The following ADAM23 variants were observed in gnomAD, a reference collection of about 807,000 sequenced individuals.
ADAM23 encodes disintegrin and metalloproteinase domain-containing protein 23.
In ADAM23, 33 loss-of-function variants were observed where a neutral mutation model predicts 120.1. The ratio of observed to expected loss-of-function variants is 0.27; its 90% CI spans 0.21 to 0.37. The LOEUF is 0.37. Ranked by LOEUF, ADAM23 falls within the 10% of genes least tolerant of loss-of-function variation. The pLI, the probability that ADAM23 is intolerant of heterozygous loss-of-function variation, is 1.00. For synonymous variants in ADAM23, 367 were observed against 375.2 expected (o/e 0.98, Z 0.25); for missense variants, 862 against 1,058.2 (o/e 0.81, Z 2.57).
chr2:206,471,322 T>C (rs1479283469), intron 2 of ADAM23, among the ~76,000 whole-genome samples: 1 of 152,226 alleles, frequency 6.6e-6, no homozygotes, highest in East Asian at 1.9e-4. Flanking sequence ...AATCCTTGTG[T>C]AGTCATCATA....
intron 2 of ADAM23, among the ~76,000 whole-genome samples, chr2:206,470,411 T>C (rs921999764): frequency 6.6e-6 from 1 of 152,188 alleles, no homozygotes. Flanking sequence ...GTGGTCAGTA[T>C]TCTAAATGTT....
At chr2:206,520,122 A>C (rs1696813779) in intron 3 of ADAM23, among the ~76,000 whole-genome samples, 1 of 152,208 alleles carries the variant, frequency 6.6e-6, no homozygotes, top group Non-Finnish European at 1.5e-5. Flanking sequence ...TGTATAGTAC[A>C]GAGAAATCAA....
At chr2:206,552,011 T>C (rs1278381473) in intron 9 of ADAM23, among the ~76,000 whole-genome samples, 1 of 152,182 alleles carries the variant, frequency 6.6e-6, no homozygotes, top group African/African-American at 2.4e-5. Flanking sequence ...TTAATTTGCT[T>C]GAAACCCCAA....
At chr2:206,449,605 T>TA (rs550043269) in intron 2 of ADAM23, among the ~76,000 whole-genome samples, 319 of 152,034 alleles carry the variant, frequency 2.1e-3, no homozygotes, top group African/African-American at 6.7e-3. Context: ...CCATCTCTAC[T>TA]AAAAAAATAC....
At chr2:206,594,059 T>C (rs1698474417) in intron 22 of ADAM23, among the ~76,000 whole-genome samples, 1 of 151,910 alleles carries the variant, frequency 6.6e-6, no homozygotes, top group African/African-American at 2.4e-5. Flanking sequence ...CAGTATAATA[T>C]GCTATACAGA....
intron 3 of ADAM23, among the ~76,000 whole-genome samples, chr2:206,525,113 C>T (rs966632708): frequency 2.0e-5 from 3 of 152,104 alleles, no homozygotes; most frequent in African/African-American, 7.2e-5. Flanking sequence ...TTTTCATTTC[C>T]ACAAATGCCC....
At position 206,562,195 on chromosome 2, in the gene ADAM23, A is replaced by G. The variant is rs775190783; in HGVS notation, c.1255-8A>G. 3 of 1,612,754 alleles carry G rather than the reference A, an allele frequency of 1.9e-6. No individual in the cohort carries two copies. Among genetic ancestry groups the G allele is most frequent in the East Asian group, 4.5e-5 (2 of 44,844 alleles). ...TGTCTCCCACACACTTTCAACTCTG[A>G]AAAACAGTATGGTCTTCCAATGGCA... On this transcript the variant is annotated splice_region_variant and splice_polypyrimidine_tract_variant and intron_variant, in intron 12 of 25. Transcript: ENST00000264377.
intron 22 of ADAM23, 67 bp from the exon 23 acceptor site, chr2:206,594,670 G>T (rs1163049297): frequency 6.4e-7 from 1 of 1,574,396 alleles, no homozygotes; most frequent in South Asian, 1.1e-5. Context: ...TGAAGAGCAA[G>T]CCTCATTCAT....
chr2:206,593,594 A>G (rs1271319670), intron 22 of ADAM23, among the ~76,000 whole-genome samples: 2 of 152,110 alleles, frequency 1.3e-5, no homozygotes, highest in African/African-American at 4.8e-5. Flanking sequence ...TCTGAAGACA[A>G]TTCTAACAGG....
chr2:206,500,711 T>G lies in ADAM23; in HGVS notation c.509+19403T>G, dbSNP rs562164371. 3.8e-4 allele frequency among the ~76,000 whole-genome samples: 58 copies of G among 152,266 alleles called. No homozygotes were observed. The East Asian group carries it at 0.011, about 29-fold the overall frequency. ...GTGTATCTTTGGGCTGTATCTACTG[T>G]CATCTGCTTCCACCTGTGTGAGGGA... On this transcript the variant is annotated intron_variant, in intron 3 of 25. Transcript: ENST00000264377.
rs148430762 is a variant in ADAM23 at position 206,572,373 on chromosome 2, T to C, written c.1656+557T>C. The stretch of plus-strand genomic sequence containing the variant: ...TTCCATCTACAGAGACCACCAGTTA[T>C]TTTTGAAAACTCATTTTAATCTTCC... On this transcript the variant is annotated intron_variant, in intron 17 of 25. Coordinates refer to ENST00000264377, the MANE Select transcript of ADAM23 (RefSeq NM_003812.4). Among the ~76,000 whole-genome samples the C allele has an allele frequency of 2.6e-5, 4 of 152,320 alleles. No homozygotes were observed. In the East Asian group the frequency reaches 5.8e-4, roughly 22 times the overall value.
rs1698570064 is a variant in ADAM23 at position 206,598,379 on chromosome 2, C to G, written c.2359+2217C>G. On this transcript the variant is annotated intron_variant, in intron 24 of 25. Transcript: ENST00000264377. ...TCTATTCCCTGTTCCTTCACCCACC[C>G]ATGCCTAAAAATCTTTGGAGGCATT... Among the ~76,000 whole-genome samples, 4 of 152,050 alleles carry G rather than the reference C, an allele frequency of 2.6e-5. No individual in the cohort carries two copies. In the South Asian group the frequency reaches 8.3e-4, roughly 32 times the overall value.
In ADAM23 at chr2:206,507,153, T is replaced by G. The variant is rs903981202; in HGVS notation, c.510-23732T>G. Among the ~76,000 whole-genome samples the G allele has an allele frequency of 5.3e-5, 8 of 152,306 alleles. No homozygotes were observed. In the Middle Eastern group the frequency reaches 0.01, roughly 194 times the overall value. On this transcript the variant is annotated intron_variant, in intron 3 of 25. Transcript: ENST00000264377. ...AGTATATTTAAAATTTGACCATTGATAAAACTATGACATCCCATATGATAA... is the reference window on the plus strand; with the variant it reads ...AGTATATTTAAAATTTGACCATTGAGAAAACTATGACATCCCATATGATAA...
chr2:206,499,794 C>A (rs1391812686), intron 3 of ADAM23, among the ~76,000 whole-genome samples: 1 of 152,032 alleles, frequency 6.6e-6, no homozygotes, highest in Non-Finnish European at 1.5e-5. Context: ...AATAATATGT[C>A]TATTTTCATG....
At chr2:206,552,395 T>TA (rs1697546312) in intron 9 of ADAM23, among the ~76,000 whole-genome samples, 1 of 152,190 alleles carries the variant, frequency 6.6e-6, no homozygotes, top group Non-Finnish European at 1.5e-5. Flanking sequence ...AAGTGTTAAT[T>TA]ACAATTAAAC....
At chr2:206,538,694 AC>A (rs1697231143) in intron 4 of ADAM23, among the ~76,000 whole-genome samples, 1 of 152,196 alleles carries the variant, frequency 6.6e-6, no homozygotes, top group Admixed American at 6.5e-5. Flanking sequence ...GCTTTTAAAA[AC>A]CAAATTAAAA....
chr2:206,608,070 G>A (rs1403532241), intron 24 of ADAM23: 3 of 390,346 alleles, frequency 7.7e-6, no homozygotes, highest in African/African-American at 2.1e-5. Context: ...TGAATTGTGG[G>A]GAGGAAATAC....
chr2:206,512,036 A>G (rs1467516926), intron 3 of ADAM23, among the ~76,000 whole-genome samples: 1 of 152,198 alleles, frequency 6.6e-6, no homozygotes, highest in East Asian at 1.9e-4. Context: ...GGTATTCAAC[A>G]CTAGGTGCAG....
intron 24 of ADAM23, among the ~76,000 whole-genome samples, chr2:206,605,301 T>C (rs188032855): frequency 6.6e-6 from 1 of 152,246 alleles, no homozygotes; most frequent in Non-Finnish European, 1.5e-5. Context: ...GGTAAACATG[T>C]ATTTACTTTT....
Sources: allele counts gnomAD v4.1 joint callset (sites outside exome capture counted in the v4.1 genomes callset), GRCh38; gene constraint gnomAD v4.1.1; transcripts MANE v1.5; gene names NCBI Gene and HGNC (gene_info 2026-07-23, HGNC 2026-07-21).